ENTPD7: variants seen among roughly 807,000 people sequenced by gnomAD.
ENTPD7 encodes the protein ectonucleoside triphosphate diphosphohydrolase 7, also known as NTPDase 7.
ENTPD7 carries 53 observed loss-of-function variants against 77.9 expected under a neutral mutation model. The observed-to-expected ratio is 0.68, with a 90% confidence interval of 0.55 to 0.85. The LOEUF is 0.85. Among genes scored for constraint, ENTPD7 ranks in the 40% least tolerant of loss-of-function variants. The pLI is 0.00. For missense variants in ENTPD7, 636 were observed against 743.7 expected (o/e 0.86, Z 1.68); for synonymous variants, 248 against 274.9 (o/e 0.90, Z 0.97).
At position 99,698,649 on chromosome 10, in the gene ENTPD7, A is replaced by G; in HGVS notation, c.1126A>G (p.Arg376Gly). The change falls in exon 10 of 13, where the codon AGA becomes GGA. Residue 376 changes from arginine (R) to glycine (G), a missense_variant. Arg to Gly is a moderately radical substitution (Grantham distance 125). This residue lies in a region of ENTPD7 where 486 missense variants were observed against 556.5 expected (regional missense o/e 0.87). Transcript: ENST00000370489. ...CAGCCAAGTCTTACATGTCCGAGGA[A>G]GAGGAGACTGGGTGTCTTGTGGGGC... ...RNSQVLHVRG[R>G]GDWVSCGAML... is the part of the protein sequence containing the mutation. 1.2e-6 allele frequency: 2 copies of G among 1,614,204 alleles called. No homozygotes were observed. Among genetic ancestry groups the G allele is most frequent in the South Asian group, 1.1e-5 (1 of 91,082 alleles).
At chr10:99,671,331 A>G (rs951291242) in intron 3 of ENTPD7, among the ~76,000 whole-genome samples, 6 of 152,198 alleles carry the variant, frequency 3.9e-5, no homozygotes, top group African/African-American at 1.4e-4. Context: ...AAACACAAAC[A>G]TATTGTAAAG....
At chr10:99,673,738 C>T (rs1358684625) in intron 3 of ENTPD7, among the ~76,000 whole-genome samples, 1 of 152,156 alleles carries the variant, frequency 6.6e-6, no homozygotes, top group East Asian at 1.9e-4. Context: ...ATTTGGAAAG[C>T]AATTAAAACT....
intron 6 of ENTPD7, 99 bp downstream of exon 6, chr10:99,685,994 A>G: frequency 2.8e-6 from 2 of 709,284 alleles, no homozygotes; most frequent in Non-Finnish European, 2.3e-6. Flanking sequence ...TCGGATTTTA[A>G]TTTTTCTGCC....
intron 3 of ENTPD7, among the ~76,000 whole-genome samples, chr10:99,665,911 A>C (rs1352722307): frequency 6.6e-6 from 1 of 152,154 alleles, no homozygotes; most frequent in Non-Finnish European, 1.5e-5. Flanking sequence ...TGCCCTTAAG[A>C]AATGTACTAA....
At chr10:99,696,152 AAATAT>A in intron 9 of ENTPD7, 30 bp downstream of exon 9, 1 of 1,609,380 alleles carries the variant, frequency 6.2e-7, no homozygotes, top group Non-Finnish European at 8.5e-7. Context: ...TGAGTTTCTG[AAATAT>A]AATGTCAGGC....
At chr10:99,662,666 AAACCAAAGGAGG>A (rs57693836) in intron 3 of ENTPD7, among the ~76,000 whole-genome samples, 127,510 of 151,858 alleles carry the variant, frequency 0.84, 53,779 homozygotes, top group Middle Eastern at 0.92. Flanking sequence ...AGGGACGGAG[AAACCAAAGGAGG>A]AGGCAGGCAA....
Position 99,710,190 on chromosome 10 carries a change from A to G in ENTPD7, c.*5507A>G, listed in dbSNP as rs115283180. The G allele has an allele frequency of 2.0e-4, 201 of 985,330 alleles. 1 individual carries two copies. The African/African-American group carries it at 3.4e-3, about 17-fold the overall frequency. 61.0% of individuals were successfully genotyped at this position (985,330 alleles called of 1,614,324 possible). A position where few individuals can be genotyped will look rare whatever the true frequency, so the allele number is the denominator to read the frequency against. Reference sequence around the variant, plus strand: ...GGTACTTTCCTAAGTGGCCCCTCCTACAGAGCACTTGCCGGCATTTGGCCT... The same window carrying G: ...GGTACTTTCCTAAGTGGCCCCTCCTGCAGAGCACTTGCCGGCATTTGGCCT... On this transcript the variant is annotated 3_prime_UTR_variant, in exon 13 of 13. Transcript: ENST00000370489.
intron 2 of ENTPD7, among the ~76,000 whole-genome samples, chr10:99,661,172 G>GC (rs1415603340): frequency 2.0e-5 from 3 of 152,168 alleles, no homozygotes; most frequent in Non-Finnish European, 2.9e-5. Flanking sequence ...TTATGAGGTT[G>GC]CCCAGGGAGA....
chr10:99,694,694 G>A (rs1276657980), intron 8 of ENTPD7, among the ~76,000 whole-genome samples: 1 of 151,950 alleles, frequency 6.6e-6, no homozygotes, highest in African/African-American at 2.4e-5. Context: ...CCACCACCAT[G>A]CCTGGCTAAT....
chr10:99,688,622 G>A (rs2035842632), intron 6 of ENTPD7, 72 bp from the exon 7 acceptor site: 2 of 1,383,870 alleles, frequency 1.4e-6, no homozygotes, highest in Non-Finnish European at 2.0e-6. Flanking sequence ...GGAAAGAGAA[G>A]CCCTAAGGGA....
At chr10:99,675,812 G>A (rs780137357) in intron 3 of ENTPD7, among the ~76,000 whole-genome samples, 32 of 151,964 alleles carry the variant, frequency 2.1e-4, no homozygotes, top group Non-Finnish European at 3.4e-4. Flanking sequence ...TAGCCAGGAT[G>A]GTCTTTACCT....
At chr10:99,691,327 T>G (rs891870713) in intron 7 of ENTPD7, 58 bp from the exon 8 acceptor site, 1 of 1,558,108 alleles carries the variant, frequency 6.4e-7, no homozygotes, top group Non-Finnish European at 8.7e-7. Flanking sequence ...GTTTTGGGGG[T>G]TTGACTTAAT....
chr10:99,696,903 G>T (rs1284045004), intron 9 of ENTPD7, among the ~76,000 whole-genome samples: 1 of 152,146 alleles, frequency 6.6e-6, no homozygotes, highest in African/African-American at 2.4e-5. Context: ...CAGTGCTGAG[G>T]GTCTAGCCTA....
intron 3 of ENTPD7, among the ~76,000 whole-genome samples, chr10:99,670,195 G>T (rs2035604039): frequency 6.6e-6 from 1 of 152,084 alleles, no homozygotes; most frequent in Non-Finnish European, 1.5e-5. Context: ...CTACACTGTG[G>T]TATCAAATAG....
Position 99,679,781 on chromosome 10 carries a change from CT to C in ENTPD7, c.455del (p.Leu152ArgfsTer10). ...TGCCAGTGATTACCTTCGTCCTCTG[CT>C]GAGCTTTGCTGCTGCTCATGTGCCT... ...EHASDYLRPL[L>X]SFAAAHVPVK... On this transcript the variant is annotated frameshift_variant, in exon 5 of 13. Coordinates refer to ENST00000370489, the MANE Select transcript of ENTPD7 (RefSeq NM_020354.5). LOFTEE classifies it high-confidence loss of function. The C allele has an allele frequency of 6.2e-7, 1 of 1,614,216 alleles. No individual in the cohort carries two copies. The highest frequency in any genetic ancestry group is 1.1e-5 in the South Asian group (1 of 91,092).
chr10:99,700,814 G>C (rs1216348322), intron 10 of ENTPD7, 159 bp from the exon 11 acceptor site: 1 of 689,414 alleles, frequency 1.5e-6, no homozygotes, highest in East Asian at 2.5e-5. Context: ...ATAAACAGGG[G>C]TATGACGCAG....
intron 2 of ENTPD7, 191 bp downstream of exon 2, chr10:99,660,155 C>T: frequency 1.8e-6 from 1 of 565,236 alleles, no homozygotes; most frequent in Non-Finnish European, 2.2e-6. Flanking sequence ...GTTTCTAGCC[C>T]ATAGACCAGG....
At chr10:99,697,672 T>G (rs1259431690) in intron 9 of ENTPD7, 1 of 158,982 alleles carries the variant, frequency 6.3e-6, no homozygotes, top group Non-Finnish European at 1.4e-5. Flanking sequence ...CTTAAAATAG[T>G]CGGTTCCAGT....
At position 99,708,876 on chromosome 10, in the gene ENTPD7, A is replaced by T; in HGVS notation, c.*4193A>T. Reference sequence around the variant, plus strand: ...ATGCTCATTAACAGAATCTTTCTGCAAGTATAAACAGAATCTATTTTTTAT... The same window carrying T: ...ATGCTCATTAACAGAATCTTTCTGCTAGTATAAACAGAATCTATTTTTTAT... On this transcript the variant is annotated 3_prime_UTR_variant, in exon 13 of 13. Transcript: ENST00000370489. The T allele has an allele frequency of 1.0e-6, 1 of 985,420 alleles. No homozygotes were observed. Among genetic ancestry groups the T allele is most frequent in the Non-Finnish European group, 1.2e-6 (1 of 829,918 alleles). 61.0% of individuals were successfully genotyped at this position (985,420 alleles called of 1,614,324 possible).
Sources: allele counts gnomAD v4.1 joint callset (sites outside exome capture counted in the v4.1 genomes callset), GRCh38; gene constraint gnomAD v4.1.1; regional missense constraint gnomAD v4.1.1; transcripts MANE v1.5; gene names NCBI Gene and HGNC (gene_info 2026-07-23, HGNC 2026-07-21).